Variants in PBX1 observed in about 807,000 individuals in gnomAD.
PBX1 encodes pre-B-cell leukemia transcription factor 1.
A neutral mutation model predicts 53.4 loss-of-function variants in PBX1; 6 were observed. That is an observed-to-expected ratio of 0.11 (90% CI 0.06 to 0.22). The LOEUF (loss-of-function observed/expected upper bound fraction) is 0.22, where lower values mean the gene tolerates loss of function less well. PBX1 is among the 10% of genes least tolerant of loss of function. The probability of loss-of-function intolerance (pLI) is 1.00; values close to 1 mark genes in which losing one functional copy is unlikely to be tolerated. For synonymous variants in PBX1, 204 were observed against 212.3 expected, an observed-to-expected ratio of 0.96 and a Z score of 0.34; for missense variants, 251 against 551.4, an observed-to-expected ratio of 0.46 and a Z score of 5.46.
intron 8 of PBX1, among the ~76,000 whole-genome samples, chr1:164,838,700 A>G (rs1671157897): frequency 6.6e-6 from 1 of 152,134 alleles, no homozygotes; most frequent in African/African-American, 2.4e-5. Flanking sequence ...AGTAGGAGTA[A>G]GAGTTCACAC....
chr1:164,678,009 G>T (rs1315626997), intron 2 of PBX1, among the ~76,000 whole-genome samples: 1 of 152,130 alleles, frequency 6.6e-6, no homozygotes, highest in Non-Finnish European at 1.5e-5. Flanking sequence ...GCACACCCAG[G>T]TCTGTCTAAA....
intron 2 of PBX1, among the ~76,000 whole-genome samples, chr1:164,748,995 C>T (rs1180305437): frequency 6.6e-6 from 1 of 152,056 alleles, no homozygotes; most frequent in Non-Finnish European, 1.5e-5. Context: ...ATAGCTAGAC[C>T]TCACTCCTGG....
chr1:164,731,477 TTG>T (rs1186503945), intron 2 of PBX1, among the ~76,000 whole-genome samples: 2 of 152,312 alleles, frequency 1.3e-5, no homozygotes, highest in East Asian at 3.9e-4. Flanking sequence ...CTCCCTCATA[TTG>T]TGGCAGCAGG....
At chr1:164,569,635 G>C (rs1220183085) in intron 2 of PBX1, among the ~76,000 whole-genome samples, 2 of 126,892 alleles carry the variant, frequency 1.6e-5, no homozygotes, top group Non-Finnish European at 3.1e-5. Context: ...GCAGTGGCGT[G>C]ATCTCGGCCC....
rs564004107 is a variant in PBX1, at chr1:164,602,717, A to G, written c.265+39406A>G. On this transcript the variant is annotated intron_variant, in intron 2 of 8. Coordinates refer to ENST00000420696, the MANE Select transcript of PBX1 (RefSeq NM_002585.4). The stretch of plus-strand genomic sequence containing the variant: ...AAAGTCCCAAACAGATTGAAAAAAA[A>G]AAAAAAAATGGGAGGCAGCAAAATT... 1.7e-3 allele frequency among the ~76,000 whole-genome samples: 265 copies of G among 152,142 alleles called. 2 individuals are homozygous for G. Among genetic ancestry groups the G allele is most frequent in the Non-Finnish European group, 2.5e-3 (173 of 67,992 alleles).
chr1:164,585,416 T>G (rs79064248), intron 2 of PBX1, among the ~76,000 whole-genome samples: 9 of 152,310 alleles, frequency 5.9e-5, no homozygotes, highest in African/African-American at 2.2e-4. Flanking sequence ...CAAACTTCCC[T>G]CCTCATCAGC....
rs191694508 is a variant in PBX1, at chr1:164,833,418, G to A, written c.1200+11792G>A. The stretch of plus-strand genomic sequence containing the variant: ...TAGATAAGATTGACCTTTGTTAGGG[G>A]CAAAGACGTTTTCAATCAGTAGAAT... On this transcript the variant is annotated intron_variant, in intron 8 of 8. Transcript: ENST00000420696. Among the ~76,000 whole-genome samples the A allele has an allele frequency of 4.6e-5, 7 of 152,206 alleles. No individual in the cohort carries two copies. In the East Asian group the frequency reaches 1.2e-3, roughly 25 times the overall value.
intron 4 of PBX1, among the ~76,000 whole-genome samples, chr1:164,806,010 T>C (rs3767369): frequency 0.24 from 36,848 of 152,162 alleles, 5,063 homozygotes; most frequent in African/African-American, 0.36. Context: ...CCATCAGTGC[T>C]TTCTGTTGGC....
chr1:164,877,104 G>A (rs1382914209), intron 2 of PBX1, among the ~76,000 whole-genome samples: 1 of 148,496 alleles, frequency 6.7e-6, no homozygotes, highest in Non-Finnish European at 1.5e-5. Context: ...TTTTTTGCCT[G>A]TAAGTTTCTC....
chr1:164,687,237 A>C (rs1662159242), intron 2 of PBX1, among the ~76,000 whole-genome samples: 1 of 152,144 alleles, frequency 6.6e-6, no homozygotes, highest in African/African-American at 2.4e-5. Context: ...GTGGAGAGGT[A>C]GTGTAAGGCA....
At chr1:164,844,147 C>CT (rs1396902819) in intron 8 of PBX1, among the ~76,000 whole-genome samples, 1 of 125,226 alleles carries the variant, frequency 8.0e-6, no homozygotes, top group Non-Finnish European at 1.7e-5. Flanking sequence ...GAATTTTACT[C>CT]TACTTCATGA....
chr1:164,777,796 G>A (rs16834773), intron 2 of PBX1, among the ~76,000 whole-genome samples: 1,789 of 152,248 alleles, frequency 0.012, 34 homozygotes, highest in African/African-American at 0.041. Context: ...CTATACCAAC[G>A]TCAGTTCCCT....
At chr1:164,871,671 G>A (rs1019753291) in intron 2 of PBX1, among the ~76,000 whole-genome samples, 1 of 152,090 alleles carries the variant, frequency 6.6e-6, no homozygotes, top group African/African-American at 2.4e-5. Flanking sequence ...TGCCAAATCT[G>A]CATCCCCTGG....
chr1:164,759,277 T>C (rs546286376), intron 2 of PBX1, among the ~76,000 whole-genome samples: 28 of 152,326 alleles, frequency 1.8e-4, no homozygotes, highest in Non-Finnish European at 3.4e-4. Flanking sequence ...GATCATTATT[T>C]GGCTCAACCC....
chr1:164,807,484 C>A, intron 4 of PBX1, 58 bp from the exon 5 acceptor site: 1 of 1,564,780 alleles, frequency 6.4e-7, no homozygotes, highest in South Asian at 1.2e-5. Flanking sequence ...TATTCTCTCC[C>A]ATTTTATATT....
intron 2 of PBX1, among the ~76,000 whole-genome samples, chr1:164,876,151 T>C (rs185052292): frequency 6.6e-6 from 1 of 151,834 alleles, no homozygotes; most frequent in East Asian, 1.9e-4. Flanking sequence ...AGGTAATAAA[T>C]AAATTATTAT....
chr1:164,633,404 C>T (rs1489499416), intron 2 of PBX1, among the ~76,000 whole-genome samples: 2 of 152,210 alleles, frequency 1.3e-5, no homozygotes, highest in African/African-American at 4.8e-5. Flanking sequence ...CCCACCTTGG[C>T]CTTCCAAAGT....
intron 2 of PBX1, among the ~76,000 whole-genome samples, chr1:164,573,728 C>G (rs1252873701): frequency 6.6e-6 from 1 of 152,124 alleles, no homozygotes; most frequent in Non-Finnish European, 1.5e-5. Flanking sequence ...TCAGGTGATC[C>G]ACCCACCTTG....
chr1:164,858,898 T>G (rs1243463763), intron 2 of PBX1, among the ~76,000 whole-genome samples: 1 of 152,216 alleles, frequency 6.6e-6, no homozygotes, highest in Non-Finnish European at 1.5e-5. Context: ...CCTTGTTCTC[T>G]CCTAGTGCTT....
Sources: gnomAD v4.1 joint callset for allele counts (sites outside exome capture counted in the v4.1 genomes callset) on GRCh38, gnomAD v4.1.1 for gene constraint, MANE v1.5 for transcripts, NCBI Gene and HGNC (gene_info 2026-07-23, HGNC 2026-07-21) for gene names.